The following MDGA2 variants were observed in gnomAD, a reference collection of about 807,000 sequenced individuals.
MDGA2 encodes MAM domain-containing glycosylphosphatidylinositol anchor protein 2.
Under a neutral mutation model 117.8 loss-of-function variants are expected in MDGA2, and 40 were observed. The ratio of observed to expected loss-of-function variants is 0.34; its 90% CI spans 0.26 to 0.44. The LOEUF (loss-of-function observed/expected upper bound fraction) is 0.44, where lower values mean the gene tolerates loss of function less well. MDGA2 is among the 20% of genes least tolerant of loss of function. The pLI is 1.00. For synonymous variants in MDGA2, 452 were observed against 439.0 expected, an observed-to-expected ratio of 1.03 and a Z score of -0.37; for missense variants, 1,123 against 1,250.6, an observed-to-expected ratio of 0.90 and a Z score of 1.54.
intron 1 of MDGA2, among the ~76,000 whole-genome samples, chr14:47,645,243 T>C (rs1055958251): frequency 1.3e-5 from 2 of 152,096 alleles, no homozygotes; most frequent in South Asian, 4.1e-4. Flanking sequence ...ATTCTTATAA[T>C]TCAATCCTTT....
intron 1 of MDGA2, among the ~76,000 whole-genome samples, chr14:47,359,229 C>A (rs576742743): frequency 6.6e-6 from 1 of 152,238 alleles, no homozygotes; most frequent in Non-Finnish European, 1.5e-5. Context: ...TGGCACGCAC[C>A]TGTAGTCCCA....
At chr14:47,244,845 T>C (rs1318555074) in intron 2 of MDGA2, among the ~76,000 whole-genome samples, 1 of 151,734 alleles carries the variant, frequency 6.6e-6, no homozygotes, top group African/African-American at 2.4e-5. Context: ...ACAAGATCAT[T>C]TGTATGTGAA....
intron 7 of MDGA2, among the ~76,000 whole-genome samples, chr14:47,035,753 G>C (rs1888824911): frequency 6.6e-6 from 1 of 152,106 alleles, no homozygotes; most frequent in Non-Finnish European, 1.5e-5. Flanking sequence ...AAATTGCTAA[G>C]ATTTAGGATT....
At chr14:47,655,524 A>G (rs1378863110) in intron 1 of MDGA2, among the ~76,000 whole-genome samples, 1 of 152,144 alleles carries the variant, frequency 6.6e-6, no homozygotes, top group Non-Finnish European at 1.5e-5. Flanking sequence ...AAGTCTGGGT[A>G]AGACATGTGC....
intron 4 of MDGA2, among the ~76,000 whole-genome samples, chr14:47,143,204 A>C (rs1882797195): frequency 6.6e-6 from 1 of 152,138 alleles, no homozygotes; most frequent in Admixed American, 6.5e-5. Flanking sequence ...GGATCATCTC[A>C]ATCTCTTGAC....
intron 1 of MDGA2, among the ~76,000 whole-genome samples, chr14:47,541,351 C>T (rs113134321): frequency 1.3e-5 from 2 of 152,106 alleles, no homozygotes; most frequent in East Asian, 1.9e-4. Context: ...GCAAGACAAA[C>T]GAAATATGTC....
intron 5 of MDGA2, among the ~76,000 whole-genome samples, chr14:47,128,941 G>A (rs991648389): frequency 4.0e-5 from 6 of 151,730 alleles, no homozygotes; most frequent in African/African-American, 1.5e-4. Context: ...TGCCCACCTC[G>A]GCCTCCCAAA....
chr14:47,314,586 G>A (rs1487871514), intron 1 of MDGA2, among the ~76,000 whole-genome samples: 1 of 151,992 alleles, frequency 6.6e-6, no homozygotes, highest in African/African-American at 2.4e-5. Flanking sequence ...GCTTAGGTGG[G>A]AGGGTCCCTT....
intron 2 of MDGA2, among the ~76,000 whole-genome samples, chr14:47,222,640 A>AAATATACAGAAAGAC: frequency 6.6e-6 from 1 of 152,198 alleles, no homozygotes; most frequent in Non-Finnish European, 1.5e-5. Context: ...TCCACAAGGT[A>AAATATACAGAAAGAC]ATTTTTTTCT....
intron 1 of MDGA2, among the ~76,000 whole-genome samples, chr14:47,518,374 A>G (rs1894798129): frequency 6.6e-6 from 1 of 152,188 alleles, no homozygotes; most frequent in Non-Finnish European, 1.5e-5. Context: ...TTCTAAAAAA[A>G]CACACGTTAA....
At chr14:46,863,432 C>A (rs1295704934) in intron 14 of MDGA2, among the ~76,000 whole-genome samples, 1 of 152,102 alleles carries the variant, frequency 6.6e-6, no homozygotes, top group African/African-American at 2.4e-5. Flanking sequence ...GGATTAGGCA[C>A]ACAGCCTGTG....
At chr14:47,397,479 A>G (rs771431822) in intron 1 of MDGA2, among the ~76,000 whole-genome samples, 2 of 152,082 alleles carry the variant, frequency 1.3e-5, no homozygotes, top group Non-Finnish European at 1.5e-5. Context: ...AAATTATAAC[A>G]TAAAAAAAGA....
At chr14:47,458,813 A>C (rs1893418639) in intron 1 of MDGA2, among the ~76,000 whole-genome samples, 1 of 151,902 alleles carries the variant, frequency 6.6e-6, no homozygotes, top group South Asian at 2.1e-4. Flanking sequence ...CTAACTGAAG[A>C]AAGGAATGTG....
chr14:46,927,490 T>G (rs770566182), intron 9 of MDGA2, among the ~76,000 whole-genome samples: 4 of 152,184 alleles, frequency 2.6e-5, no homozygotes, highest in Non-Finnish European at 5.9e-5. Context: ...ATAGCAGCAA[T>G]AAAACTCAAT....
intron 3 of MDGA2, among the ~76,000 whole-genome samples, chr14:47,180,911 A>C (rs187882489): frequency 1.3e-5 from 2 of 152,306 alleles, no homozygotes; most frequent in African/African-American, 4.8e-5. Context: ...ACAGAGCGAG[A>C]CTTCCACTCA....
intron 5 of MDGA2, among the ~76,000 whole-genome samples, chr14:47,098,223 T>C (rs574423498): frequency 1.6e-4 from 21 of 127,728 alleles, no homozygotes; most frequent in Middle Eastern, 5.6e-3. Flanking sequence ...GAATAAAAGC[T>C]AGACTACTTG....
At chr14:47,330,218 G>A (rs961344208) in intron 1 of MDGA2, among the ~76,000 whole-genome samples, 3 of 151,716 alleles carry the variant, frequency 2.0e-5, no homozygotes, top group Non-Finnish European at 4.4e-5. Context: ...CAGGTATTTT[G>A]TATGTCAATT....
intron 8 of MDGA2, among the ~76,000 whole-genome samples, chr14:47,000,400 A>AATATATATATTTAT (rs71112475): frequency 8.7e-6 from 1 of 115,604 alleles, no homozygotes; most frequent in Non-Finnish European, 1.7e-5. Flanking sequence ...TTTATATATA[A>AATATATATATTTAT]ATATATATTT....
At chr14:47,405,251 T>C (rs962656767) in intron 1 of MDGA2, among the ~76,000 whole-genome samples, 2 of 152,196 alleles carry the variant, frequency 1.3e-5, no homozygotes, top group Non-Finnish European at 2.9e-5. Context: ...CAGTTCTTAA[T>C]TGAATTTCTA....
Sources: allele counts gnomAD v4.1 joint callset (sites outside exome capture counted in the v4.1 genomes callset), GRCh38; gene constraint gnomAD v4.1.1; transcripts MANE v1.5; gene names NCBI Gene and HGNC (gene_info 2026-07-23, HGNC 2026-07-21).